The following NWD1 variants were observed in gnomAD, a reference collection of about 807,000 sequenced individuals.
NWD1 encodes the protein NACHT domain- and WD repeat-containing protein 1.
Under a neutral mutation model 135.1 loss-of-function variants are expected in NWD1, and 129 were observed. That is an observed-to-expected ratio of 0.96 (90% confidence interval 0.83 to 1.11). The LOEUF is 1.11. NWD1 is among the 50% of genes least tolerant of loss of function. The pLI is 0.00. For synonymous variants in NWD1, 773 were observed against 786.0 expected (o/e 0.98, Z 0.28); for missense variants, 1,740 against 1,851.3 (o/e 0.94, Z 1.10).
chr19:16,796,822 G>A (rs766558401), intron 15 of NWD1, among the ~76,000 whole-genome samples: 1 of 152,042 alleles, frequency 6.6e-6, no homozygotes, highest in African/African-American at 2.4e-5. Flanking sequence ...GAGCCAAATA[G>A]GCAGTCCCTG....
At chr19:16,802,543 CA>C (rs1473838857) in intron 17 of NWD1, among the ~76,000 whole-genome samples, 1 of 151,396 alleles carries the variant, frequency 6.6e-6, no homozygotes, top group African/African-American at 2.4e-5. Context: ...CTGCACACCC[CA>C]ACCCCCTTCA....
chr19:16,773,996 T>C (rs1969509223), intron 11 of NWD1, among the ~76,000 whole-genome samples: 1 of 135,334 alleles, frequency 7.4e-6, no homozygotes, highest in African/African-American at 2.8e-5. Flanking sequence ...CTTCCTACTC[T>C]TCCATCCAAT....
At position 16,815,359 on chromosome 19, in the gene NWD1, G is replaced by A; in HGVS notation, c.*320G>A. The A allele has an allele frequency of 2.9e-6, 2 of 695,304 alleles. No homozygotes were observed. Among genetic ancestry groups the A allele is most frequent in the South Asian group, 3.2e-5 (2 of 62,504 alleles). 43.1% of individuals were successfully genotyped at this position (695,304 alleles called of 1,614,324 possible). ...ATAAAAATAAAAAAACCCTGTGGGGGTATGGGGCTCCAGTGAGTTAGCCCC... is the reference window on the plus strand; with the variant it reads ...ATAAAAATAAAAAAACCCTGTGGGGATATGGGGCTCCAGTGAGTTAGCCCC... On this transcript the variant is annotated 3_prime_UTR_variant, in exon 19 of 19. Coordinates refer to ENST00000524140, the MANE Select transcript of NWD1 (RefSeq NM_001007525.5).
chr19:16,789,840 C>G (rs1175961372), intron 13 of NWD1, among the ~76,000 whole-genome samples: 1 of 151,626 alleles, frequency 6.6e-6, no homozygotes, highest in African/African-American at 2.4e-5. Context: ...GCCTCAGGCT[C>G]CTGAATAGCT....
chr19:16,789,308 G>C (rs916635520), intron 13 of NWD1, 118 bp downstream of exon 13: 2 of 751,576 alleles, frequency 2.7e-6, no homozygotes, highest in Admixed American at 2.1e-5. Context: ...GGTGTAAATG[G>C]AGTACACAAC....
intron 4 of NWD1, among the ~76,000 whole-genome samples, chr19:16,741,404 C>T (rs1367547367): frequency 3.4e-4 from 47 of 139,686 alleles, no homozygotes; most frequent in Admixed American, 2.6e-3. Flanking sequence ...CTTACTCTGT[C>T]GCCCAGGCTG....
At chr19:16,740,056 A>C (rs1158982946) in intron 4 of NWD1, among the ~76,000 whole-genome samples, 1 of 151,906 alleles carries the variant, frequency 6.6e-6, no homozygotes, top group Non-Finnish European at 1.5e-5. Flanking sequence ...CAGCGCTTTG[A>C]GAGGCTAAAG....
At chr19:16,738,527 C>A (rs180777938) in intron 4 of NWD1, among the ~76,000 whole-genome samples, 121 of 146,854 alleles carry the variant, frequency 8.2e-4, no homozygotes, top group African/African-American at 3.0e-3. Context: ...CGAGATTGTG[C>A]CACTGCATTC....
intron 7 of NWD1, among the ~76,000 whole-genome samples, chr19:16,761,290 T>A (rs987579956): frequency 6.6e-6 from 1 of 151,704 alleles, no homozygotes; most frequent in Non-Finnish European, 1.5e-5. Context: ...TGTTTCCACG[T>A]TTTTGCTGTT....
At chr19:16,764,403 C>G (rs1969142032) in intron 9 of NWD1, among the ~76,000 whole-genome samples, 1 of 149,562 alleles carries the variant, frequency 6.7e-6, no homozygotes, top group Non-Finnish European at 1.5e-5. Context: ...ATCCATCCAT[C>G]TAACTATCCA....
At chr19:16,771,316 G>A (rs759119230) in intron 10 of NWD1, among the ~76,000 whole-genome samples, 7 of 152,074 alleles carry the variant, frequency 4.6e-5, no homozygotes, top group Non-Finnish European at 8.8e-5. Flanking sequence ...CGGGTGTGGT[G>A]GTGCATGCCT....
Position 16,778,340 on chromosome 19 carries a change from C to T in NWD1, c.2609-1003C>T, listed in dbSNP as rs1320365185. On this transcript the variant is annotated intron_variant, in intron 11 of 18. Transcript: ENST00000524140. ...GGCAGAGATCCTTGGGGTGTGTTTG[C>T]CCAATTCATTGGCAAATATATATTT... is the stretch of plus-strand genomic sequence containing the variant. Among the ~76,000 whole-genome samples, 2 of 152,116 alleles carry T rather than the reference C, an allele frequency of 1.3e-5. 1 individual carries two copies. The highest frequency in any genetic ancestry group is 4.8e-5 in the African/African-American group (2 of 41,418).
In NWD1 at chr19:16,807,673, T is replaced by G; in HGVS notation, c.3824T>G (p.Val1275Gly). 6.2e-7 allele frequency: 1 copy of G among 1,609,752 alleles called. No homozygotes were observed. The highest frequency in any genetic ancestry group is 8.5e-7 in the Non-Finnish European group (1 of 1,177,612). Residue 1275 changes from valine (V) to glycine (G), a missense_variant, in exon 18 of 19, where the codon GTG becomes GGG. Physicochemically the swap from Val to Gly is moderately radical, Grantham distance 109. Coordinates refer to ENST00000524140, the MANE Select transcript of NWD1 (RefSeq NM_001007525.5). ...CGCAAGCTCCTATTTACGGGCCTCGTGTCGGGGGTCGTCCTTGTGTTCCCC... is the reference window on the plus strand; with the variant it reads ...CGCAAGCTCCTATTTACGGGCCTCGGGTCGGGGGTCGTCCTTGTGTTCCCC... Reference protein sequence around the residue: ...EQRKLLFTGLVSGVVLVFPLN... With the variant: ...EQRKLLFTGLGSGVVLVFPLN...
chr19:16,741,953 A>C (rs149734727), intron 4 of NWD1, among the ~76,000 whole-genome samples: 1 of 152,068 alleles, frequency 6.6e-6, no homozygotes, highest in Admixed American at 6.6e-5. Context: ...TCTACTAAAA[A>C]TACAAAAATT....
rs558419520 is a variant in NWD1 at position 16,799,015 on chromosome 19, G to A, written c.3460-871G>A. ...GTTTACAGGGCACCCTCTAAAAAAG[G>A]TTTACAGGGCACCCTCCAGGAGTTC... On this transcript the variant is annotated intron_variant, in intron 16 of 18. Coordinates refer to ENST00000524140, the MANE Select transcript of NWD1 (RefSeq NM_001007525.5). Among the ~76,000 whole-genome samples, 40 of 151,620 alleles carry A rather than the reference G, an allele frequency of 2.6e-4. No homozygotes were observed. The East Asian group carries it at 7.0e-3, about 26-fold the overall frequency.
At chr19:16,765,246 A>T in intron 10 of NWD1, 54 bp downstream of exon 10, 1 of 1,522,938 alleles carries the variant, frequency 6.6e-7, no homozygotes, top group Non-Finnish European at 9.0e-7. Flanking sequence ...GACTTCTAGA[A>T]ACATGCTCTC....
intron 18 of NWD1, among the ~76,000 whole-genome samples, chr19:16,811,702 A>G (rs1027246896): frequency 6.6e-6 from 1 of 152,100 alleles, no homozygotes; most frequent in South Asian, 2.1e-4. Context: ...TCCAATCTCT[A>G]TGGAGGTGTG....
intron 6 of NWD1, among the ~76,000 whole-genome samples, chr19:16,756,775 G>A (rs1182709648): frequency 2.6e-5 from 4 of 152,098 alleles, no homozygotes; most frequent in Admixed American, 2.0e-4. Context: ...AGCAGGAGGT[G>A]AGCAGTGGGC....
intron 11 of NWD1, among the ~76,000 whole-genome samples, chr19:16,778,269 C>G (rs1258362545): frequency 6.6e-6 from 1 of 152,114 alleles, no homozygotes; most frequent in Non-Finnish European, 1.5e-5. Context: ...TCCAATATAT[C>G]TTGGCCCTTC....
Sources: gnomAD v4.1 joint callset for allele counts (sites outside exome capture counted in the v4.1 genomes callset) on GRCh38, gnomAD v4.1.1 for gene constraint, MANE v1.5 for transcripts, NCBI Gene and HGNC (gene_info 2026-07-23, HGNC 2026-07-21) for gene names.